Variants in NELL1 observed in about 807,000 individuals in gnomAD.
NELL1 encodes the protein protein kinase C-binding protein NELL1.
Under a neutral mutation model 107.4 loss-of-function variants are expected in NELL1, and 76 were observed. The ratio of observed to expected loss-of-function variants is 0.71; its 90% CI spans 0.59 to 0.86. The LOEUF is 0.86. Among genes scored for constraint, NELL1 ranks in the 40% least tolerant of loss-of-function variants. The pLI is 0.00. For synonymous variants in NELL1, 353 were observed against 341.2 expected (o/e 1.03, Z -0.38); for missense variants, 1,024 against 1,005.5 (o/e 1.02, Z -0.25).
chr11:21,352,868 G>A (rs979188158), intron 14 of NELL1, among the ~76,000 whole-genome samples: 1 of 152,158 alleles, frequency 6.6e-6, no homozygotes, highest in African/African-American at 2.4e-5. Flanking sequence ...TGCAAATGTT[G>A]GATGAAGCCG....
intron 3 of NELL1, among the ~76,000 whole-genome samples, chr11:20,801,028 C>T (rs1857271912): frequency 1.3e-5 from 2 of 152,068 alleles, no homozygotes; most frequent in South Asian, 4.2e-4. Context: ...TCCAGCTTTC[C>T]ACCTTCTCAT....
At chr11:20,885,727 T>G (rs191084533) in intron 5 of NELL1, among the ~76,000 whole-genome samples, 187 bp downstream of exon 5, 1 of 152,356 alleles carries the variant, frequency 6.6e-6, no homozygotes, top group Non-Finnish European at 1.5e-5. Flanking sequence ...TAAACTGGTT[T>G]ACTTGTCACA....
chr11:20,689,631 C>A (rs1037997082), intron 2 of NELL1, among the ~76,000 whole-genome samples: 2 of 148,532 alleles, frequency 1.3e-5, no homozygotes, highest in South Asian at 2.2e-4. Flanking sequence ...TTTTTTATGG[C>A]TGCATAGTAT....
At chr11:20,823,746 C>T (rs958728961) in intron 3 of NELL1, among the ~76,000 whole-genome samples, 6 of 150,996 alleles carry the variant, frequency 4.0e-5, no homozygotes. Flanking sequence ...ATACTGTATG[C>T]CCTCTCTCAA....
Position 21,306,924 on chromosome 11 carries a change from T to A in NELL1, c.1550-63929T>A, listed in dbSNP as rs569228673. The stretch of plus-strand genomic sequence containing the variant: ...CTAAGGTCAGCAGGCATAAAAGGGG[T>A]CTGAATTCTTTCAGTCTTACCTCAT... On this transcript the variant is annotated intron_variant, in intron 14 of 19. Transcript: ENST00000357134. Among the ~76,000 whole-genome samples, 4 of 152,138 alleles carry A rather than the reference T, an allele frequency of 2.6e-5. No individual in the cohort carries two copies. The South Asian group carries it at 8.3e-4, about 31-fold the overall frequency.
chr11:21,345,022 C>T (rs1203544655), intron 14 of NELL1, among the ~76,000 whole-genome samples: 3 of 152,102 alleles, frequency 2.0e-5, no homozygotes, highest in Non-Finnish European at 4.4e-5. Context: ...AAATTGAACC[C>T]ATTTATGGCT....
At chr11:21,235,520 G>C (rs916044492) in intron 14 of NELL1, among the ~76,000 whole-genome samples, 1 of 152,076 alleles carries the variant, frequency 6.6e-6, no homozygotes, top group Non-Finnish European at 1.5e-5. Flanking sequence ...CTGATGGAGC[G>C]GGGAGGTATA....
intron 14 of NELL1, among the ~76,000 whole-genome samples, chr11:21,256,849 G>A (rs1858782340): frequency 6.6e-6 from 1 of 151,984 alleles, no homozygotes; most frequent in Admixed American, 6.6e-5. Context: ...CACGGGTATA[G>A]GGCAATGGGC....
Position 21,167,361 on chromosome 11 carries a change from G to GT in NELL1, c.1426+53655dup, listed in dbSNP as rs530571620. Reference sequence around the variant, plus strand: ...CCTATATAGACCTGACTTGGGTACTGTTTTTTTTGGCAATAACTTTAGACA... The same window carrying GT: ...CCTATATAGACCTGACTTGGGTACTGTTTTTTTTTGGCAATAACTTTAGACA... On this transcript the variant is annotated intron_variant, in intron 13 of 19. Coordinates refer to ENST00000357134, the MANE Select transcript of NELL1 (RefSeq NM_006157.5). Among the ~76,000 whole-genome samples the GT allele has an allele frequency of 1.1e-3, 160 of 151,626 alleles. 4 individuals carry two copies. Among genetic ancestry groups the GT allele is most frequent in the African/African-American group, 3.3e-3 (137 of 41,064 alleles).
intron 14 of NELL1, among the ~76,000 whole-genome samples, chr11:21,275,914 G>C (rs1006695263): frequency 2.0e-5 from 3 of 152,098 alleles, no homozygotes; most frequent in Admixed American, 2.0e-4. Flanking sequence ...AATAATAAGA[G>C]CTATCTATGA....
Position 20,847,710 on chromosome 11 carries a change from T to G in NELL1, c.463T>G (p.Ser155Ala), listed in dbSNP as rs774185495. The change falls in exon 4 of 20, where the codon TCA becomes GCA. Residue 155 changes from serine to alanine, a missense_variant. Transcript: ENST00000357134. ...TGGACAATGGCACAAGGTTGCACTG[T>G]CAGTTAGCGCCTCTCATCTCCTGCT... is the stretch of plus-strand genomic sequence containing the variant. ...ADGQWHKVAL[S>A]VSASHLLLHV... 1.9e-6 allele frequency: 3 copies of G among 1,613,396 alleles called. No individual in the cohort carries two copies. Among genetic ancestry groups the G allele is most frequent in the Non-Finnish European group, 1.7e-6 (2 of 1,179,674 alleles).
At chr11:21,107,015 A>G (rs1024360321) in intron 12 of NELL1, among the ~76,000 whole-genome samples, 2 of 152,180 alleles carry the variant, frequency 1.3e-5, no homozygotes, top group African/African-American at 4.8e-5. Flanking sequence ...AAGTATTTTT[A>G]GAGCAGTTCT....
chr11:21,199,346 G>C (rs1417819568), intron 13 of NELL1, among the ~76,000 whole-genome samples: 1 of 152,106 alleles, frequency 6.6e-6, no homozygotes, highest in Non-Finnish European at 1.5e-5. Flanking sequence ...TACCCTCCAG[G>C]ACATGTGGCT....
chr11:21,441,321 A>G, intron 15 of NELL1, among the ~76,000 whole-genome samples: 1 of 133,740 alleles, frequency 7.5e-6, no homozygotes, highest in African/African-American at 2.9e-5. Flanking sequence ...CTTTACTCTG[A>G]GGCTGTGACG....
At chr11:21,263,004 C>T (rs944113258) in intron 14 of NELL1, among the ~76,000 whole-genome samples, 3 of 151,728 alleles carry the variant, frequency 2.0e-5, no homozygotes, top group Non-Finnish European at 2.9e-5. Flanking sequence ...TATCTTGTAA[C>T]CCTTTTCATT....
chr11:21,460,694 G>A (rs1002286621), intron 15 of NELL1, among the ~76,000 whole-genome samples: 1 of 151,938 alleles, frequency 6.6e-6, no homozygotes, highest in Admixed American at 6.6e-5. Context: ...TAGGCATCTG[G>A]TTGCTAGAAT....
chr11:21,384,452 A>G (rs1851688867), intron 15 of NELL1, among the ~76,000 whole-genome samples: 1 of 148,846 alleles, frequency 6.7e-6, no homozygotes, highest in Non-Finnish European at 1.5e-5. Flanking sequence ...ACATTTATTT[A>G]TTTATTATTA....
chr11:21,139,406 C>CA (rs1855815801), intron 13 of NELL1, among the ~76,000 whole-genome samples: 1 of 152,170 alleles, frequency 6.6e-6, no homozygotes, highest in Non-Finnish European at 1.5e-5. Flanking sequence ...CAAAGGTCTC[C>CA]ATTTCAGTGG....
chr11:21,448,268 T>C (rs929996189), intron 15 of NELL1, among the ~76,000 whole-genome samples: 1 of 152,176 alleles, frequency 6.6e-6, no homozygotes, highest in Admixed American at 6.5e-5. Context: ...GAGACTTCTA[T>C]TCAGCCATCT....
Sources: allele counts gnomAD v4.1 joint callset (sites outside exome capture counted in the v4.1 genomes callset), GRCh38; gene constraint gnomAD v4.1.1; transcripts MANE v1.5; gene names NCBI Gene and HGNC (gene_info 2026-07-23, HGNC 2026-07-21).